The following ADGRL4 variants were observed in gnomAD, a reference collection of about 807,000 sequenced individuals.
ADGRL4 encodes the protein adhesion G protein-coupled receptor L4, also known as EGF, latrophilin and seven transmembrane domain containing 1.
Under a neutral mutation model 74.8 loss-of-function variants are expected in ADGRL4, and 90 were observed. The observed-to-expected ratio is 1.20, with a 90% CI of 1.02 to 1.43. ADGRL4 has a LOEUF of 1.43. Ranked by LOEUF, ADGRL4 falls within the 40% of genes most tolerant of loss-of-function variation. ADGRL4 has a pLI of 0.00. For missense variants in ADGRL4, 881 were observed against 814.3 expected (o/e 1.08, Z -1.00); for synonymous variants, 311 against 279.2 (o/e 1.11, Z -1.14).
At chr1:78,943,130 T>C (rs546759884) in intron 3 of ADGRL4, among the ~76,000 whole-genome samples, 6 of 152,214 alleles carry the variant, frequency 3.9e-5, no homozygotes, top group South Asian at 4.1e-4. Flanking sequence ...TGTTCAATTA[T>C]AGTAAATTAT....
At chr1:78,992,040 C>T (rs901183962) in intron 2 of ADGRL4, among the ~76,000 whole-genome samples, 6 of 151,980 alleles carry the variant, frequency 3.9e-5, no homozygotes, top group Non-Finnish European at 8.8e-5. Flanking sequence ...AAATACAGTG[C>T]AGTCAGTCAG....
chr1:78,968,328 G>T (rs1211233503), intron 2 of ADGRL4, among the ~76,000 whole-genome samples: 1 of 152,020 alleles, frequency 6.6e-6, no homozygotes, highest in Non-Finnish European at 1.5e-5. Flanking sequence ...TGCATAAGCT[G>T]CAGTAATAGA....
intron 2 of ADGRL4, among the ~76,000 whole-genome samples, chr1:78,971,446 G>C (rs999717544): frequency 2.6e-5 from 4 of 152,052 alleles, no homozygotes; most frequent in Non-Finnish European, 5.9e-5. Context: ...TGGAGCCATG[G>C]GAAGTTCACA....
At chr1:78,972,740 T>G (rs1557517166) in intron 2 of ADGRL4, among the ~76,000 whole-genome samples, 3 of 152,234 alleles carry the variant, frequency 2.0e-5, no homozygotes, top group Admixed American at 2.0e-4. Flanking sequence ...CAGTTCTGTT[T>G]TCCAATTAGT....
intron 2 of ADGRL4, among the ~76,000 whole-genome samples, chr1:78,993,268 TC>T (rs1650645410): frequency 6.6e-6 from 1 of 152,112 alleles, no homozygotes; most frequent in Non-Finnish European, 1.5e-5. Flanking sequence ...TCCATTTTAA[TC>T]AAATTTAGGG....
At chr1:79,000,503 C>T (rs1435713118) in intron 2 of ADGRL4, among the ~76,000 whole-genome samples, 2 of 152,040 alleles carry the variant, frequency 1.3e-5, no homozygotes, top group Non-Finnish European at 2.9e-5. Flanking sequence ...TAAATATTAA[C>T]CTAAAGAAAG....
intron 7 of ADGRL4, among the ~76,000 whole-genome samples, chr1:78,934,775 A>G (rs1649318866): frequency 1.3e-5 from 2 of 152,210 alleles, no homozygotes; most frequent in Non-Finnish European, 2.9e-5. Context: ...AAAAGAAGAC[A>G]TTTATGCAGG....
chr1:78,911,406 A>G (rs1648759068), intron 12 of ADGRL4, among the ~76,000 whole-genome samples: 1 of 151,844 alleles, frequency 6.6e-6, no homozygotes, highest in Non-Finnish European at 1.5e-5. Context: ...TTTATTCTGG[A>G]AAATAAATAT....
chr1:78,901,443 T>C (rs1298468549), intron 12 of ADGRL4, among the ~76,000 whole-genome samples: 2 of 152,134 alleles, frequency 1.3e-5, no homozygotes, highest in Non-Finnish European at 2.9e-5. Flanking sequence ...TAAAATGTCC[T>C]AAAAGTATGT....
At chr1:78,922,341 G>A (rs1395175899) in intron 8 of ADGRL4, among the ~76,000 whole-genome samples, 1 of 151,980 alleles carries the variant, frequency 6.6e-6, no homozygotes, top group Non-Finnish European at 1.5e-5. Flanking sequence ...GTTCCAAACA[G>A]TTGGAAATGC....
intron 12 of ADGRL4, among the ~76,000 whole-genome samples, chr1:78,915,772 T>C (rs1648857587): frequency 6.6e-6 from 1 of 151,940 alleles, no homozygotes. Flanking sequence ...AAAAATGTCA[T>C]CTAACATTGT....
At chr1:78,978,208 A>T (rs1650327739) in intron 2 of ADGRL4, among the ~76,000 whole-genome samples, 2 of 151,966 alleles carry the variant, frequency 1.3e-5, no homozygotes, top group South Asian at 4.1e-4. Context: ...AGTAGCCTAT[A>T]TTCCTGTCTG....
At chr1:78,905,290 A>G (rs1648611952) in intron 12 of ADGRL4, among the ~76,000 whole-genome samples, 3 of 152,066 alleles carry the variant, frequency 2.0e-5, no homozygotes, top group Admixed American at 1.3e-4. Context: ...AACCTGGCTA[A>G]CTTCAATAAG....
intron 2 of ADGRL4, among the ~76,000 whole-genome samples, chr1:78,986,601 A>C (rs1181933921): frequency 6.6e-6 from 1 of 151,712 alleles, no homozygotes; most frequent in East Asian, 1.9e-4. Context: ...ACAGAATGAG[A>C]CTCTATCTCA....
At chr1:78,970,021 C>T (rs186303393) in intron 2 of ADGRL4, among the ~76,000 whole-genome samples, 18 of 152,222 alleles carry the variant, frequency 1.2e-4, no homozygotes, top group Admixed American at 1.0e-3. Flanking sequence ...GGGAGCTAAC[C>T]ATAGCCAAGC....
chr1:78,921,807 T>A, intron 8 of ADGRL4, 21 bp from the exon 9 acceptor site: 1 of 1,398,626 alleles, frequency 7.1e-7, no homozygotes, highest in Admixed American at 2.7e-5. Flanking sequence ...GATACTTTAC[T>A]GATGAAAAAA....
chr1:78,891,569 G>C lies in ADGRL4; in HGVS notation c.1965C>G (p.Phe655Leu). ...TAYLFTVSNAFQGMFIFLFLC... is the reference protein window; with the variant it reads ...TAYLFTVSNALQGMFIFLFLC... ...GGAATAAAAAAATGAACATCCCCTG[G>C]AAAGCATTGCTGACTGTGAAGAGGT... is the stretch of plus-strand genomic sequence containing the variant. The change falls in exon 14 of 15, where the codon TTC becomes TTG. Residue 655 changes from phenylalanine (F) to leucine (L), a missense_variant. Physicochemically the swap from Phe to Leu is conservative, Grantham distance 22 (BLOSUM62 0). Transcript: ENST00000370742. The C allele has an allele frequency of 6.2e-7, 1 of 1,613,366 alleles. No individual in the cohort carries two copies. Among genetic ancestry groups the C allele is most frequent in the South Asian group, 1.1e-5 (1 of 91,040 alleles).
intron 2 of ADGRL4, among the ~76,000 whole-genome samples, chr1:78,946,997 C>T (rs1649614309): frequency 6.6e-6 from 1 of 152,082 alleles, no homozygotes; most frequent in Admixed American, 6.6e-5. Flanking sequence ...ATAATATAGT[C>T]TTTACCTTTA....
At chr1:78,926,664 G>T (rs1238778572) in intron 8 of ADGRL4, among the ~76,000 whole-genome samples, 5 of 151,868 alleles carry the variant, frequency 3.3e-5, no homozygotes, top group Non-Finnish European at 5.9e-5. Context: ...TAATTCCAGA[G>T]AATCAAATTA....
Sources: allele counts gnomAD v4.1 joint callset (sites outside exome capture counted in the v4.1 genomes callset), GRCh38; gene constraint gnomAD v4.1.1; transcripts MANE v1.5; gene names NCBI Gene and HGNC (gene_info 2026-07-23, HGNC 2026-07-21).